SGCD: variants seen among roughly 807,000 people sequenced by gnomAD.
SGCD encodes delta-sarcoglycan.
In SGCD, 18 loss-of-function variants were observed where a neutral mutation model predicts 36.6. The observed-to-expected ratio is 0.49, with a 90% CI of 0.34 to 0.73. SGCD has a LOEUF of 0.73. Ranked by LOEUF, SGCD falls within the 30% of genes least tolerant of loss-of-function variation. The probability of loss-of-function intolerance (pLI) is 0.01; values close to 1 mark genes in which losing one functional copy is unlikely to be tolerated. For synonymous variants in SGCD, 133 were observed against 130.6 expected, an observed-to-expected ratio of 1.02 and a Z score of -0.12; for missense variants, 387 against 346.7, an observed-to-expected ratio of 1.12 and a Z score of -0.92.
chr5:155,964,186 C>G (rs1399940351), intron 1 of SGCD, among the ~76,000 whole-genome samples: 4 of 152,030 alleles, frequency 2.6e-5, no homozygotes, highest in Non-Finnish European at 5.9e-5. Flanking sequence ...TCTTTTATAT[C>G]ATGAAGGTAG....
chr5:156,749,498 T>C (rs1033784806), intron 7 of SGCD, among the ~76,000 whole-genome samples: 7 of 152,052 alleles, frequency 4.6e-5, no homozygotes, highest in South Asian at 2.1e-4. Context: ...AATAAACCTC[T>C]GGCAGTACTG....
chr5:156,017,460 A>G (rs1272879102), intron 1 of SGCD, among the ~76,000 whole-genome samples: 7 of 151,890 alleles, frequency 4.6e-5, no homozygotes, highest in South Asian at 4.1e-4. Flanking sequence ...TCTAGCTTGT[A>G]TAGTTTCATT....
intron 4 of SGCD, among the ~76,000 whole-genome samples, chr5:156,550,159 C>T (rs1166664990): frequency 6.6e-6 from 1 of 152,140 alleles, no homozygotes; most frequent in East Asian, 1.9e-4. Context: ...CACACTGCTA[C>T]CTCTGATAAA....
chr5:156,651,725 T>A lies in SGCD; in HGVS notation c.575+4189T>A, dbSNP rs117621421. 1.4e-4 allele frequency among the ~76,000 whole-genome samples: 22 copies of A among 152,292 alleles called. 1 individual carries two copies. In the East Asian group the frequency reaches 4.2e-3, roughly 29 times the overall value. On this transcript the variant is annotated intron_variant, in intron 7 of 8. Transcript: ENST00000337851. ...CCTTAAAGTACACTTTGAAGCTGAG[T>A]AATGTGATAGCTCTGGAGTTTTTCT...
chr5:156,034,855 A>G (rs75781071), intron 1 of SGCD, among the ~76,000 whole-genome samples: 4,038 of 152,318 alleles, frequency 0.027, 178 homozygotes, highest in African/African-American at 0.092. Flanking sequence ...TGTTGGATAA[A>G]TGTGTCATAG....
At chr5:156,632,014 G>A (rs1377887869) in intron 6 of SGCD, among the ~76,000 whole-genome samples, 3 of 152,112 alleles carry the variant, frequency 2.0e-5, no homozygotes, top group African/African-American at 7.2e-5. Flanking sequence ...TTTAAAAATG[G>A]GAATTTGTAG....
In SGCD at chr5:156,099,520, C is replaced by CT. The variant is rs1354512561; in HGVS notation, c.-281-18357dup. Among the ~76,000 whole-genome samples, 9 of 152,220 alleles carry CT rather than the reference C, an allele frequency of 5.9e-5. No homozygotes were observed. In the East Asian group the frequency reaches 1.7e-3, roughly 29 times the overall value. ...ACCTCTGCCTCCCAGGCTCAGGTGA[C>CT]TCTCCTGCCTCAGCCTCCCAAGTGG... is the stretch of plus-strand genomic sequence containing the variant. On this transcript the variant is annotated intron_variant, in intron 1 of 9. Transcript: ENST00000517913.
At chr5:155,748,584 A>G in the SGCD span, among the ~76,000 whole-genome samples, 4 of 152,036 alleles carry the variant, frequency 2.6e-5, no homozygotes, top group Non-Finnish European at 4.4e-5. Context: ...TTACATTACA[A>G]CCTCACTCCA....
intron 7 of SGCD, among the ~76,000 whole-genome samples, chr5:156,674,385 T>C (rs1324594665): frequency 1.3e-5 from 2 of 152,212 alleles, no homozygotes; most frequent in African/African-American, 2.4e-5. Context: ...CAAGGTGTGA[T>C]ACTGTTACAA....
intron 1 of SGCD, among the ~76,000 whole-genome samples, chr5:155,900,945 G>C (rs1756375216): frequency 6.6e-6 from 1 of 152,078 alleles, no homozygotes; most frequent in East Asian, 1.9e-4. Context: ...CATTAAGGAA[G>C]TATTTAAAGG....
chr5:155,895,209 G>A (rs932782812), intron 1 of SGCD, among the ~76,000 whole-genome samples: 1 of 152,172 alleles, frequency 6.6e-6, no homozygotes, highest in Non-Finnish European at 1.5e-5. Context: ...ACATGAAATC[G>A]TACTTTCCAC....
At chr5:156,509,341 C>G (rs1381736614) in intron 4 of SGCD, among the ~76,000 whole-genome samples, 1 of 152,148 alleles carries the variant, frequency 6.6e-6, no homozygotes, top group Non-Finnish European at 1.5e-5. Context: ...AGGAGAATTG[C>G]TTGAACCCAG....
At chr5:155,869,174 A>G (rs1453723909), upstream of SGCD, among the ~76,000 whole-genome samples, 1 of 152,054 alleles carries the variant, frequency 6.6e-6, no homozygotes, top group Non-Finnish European at 1.5e-5. Flanking sequence ...CATGAATTTC[A>G]TCTCCCTTTC....
intron 4 of SGCD, among the ~76,000 whole-genome samples, chr5:156,524,231 G>A (rs1420682289): frequency 1.5e-5 from 2 of 134,454 alleles, no homozygotes; most frequent in East Asian, 2.1e-4. Context: ...TATAAAGAGA[G>A]AGTAATATAT....
At chr5:156,339,771 C>T (rs780189227) in intron 2 of SGCD, among the ~76,000 whole-genome samples, 1 of 151,960 alleles carries the variant, frequency 6.6e-6, no homozygotes, top group Non-Finnish European at 1.5e-5. Context: ...GGAATACAAA[C>T]AAGTTAACAA....
chr5:156,339,598 A>G (rs1768538163), intron 2 of SGCD, among the ~76,000 whole-genome samples: 1 of 152,226 alleles, frequency 6.6e-6, no homozygotes, highest in Non-Finnish European at 1.5e-5. Flanking sequence ...ACATGACAAT[A>G]AAGTGAATCA....
chr5:156,511,218 G>C (rs988534383), intron 4 of SGCD, among the ~76,000 whole-genome samples: 2 of 152,098 alleles, frequency 1.3e-5, no homozygotes, highest in African/African-American at 4.8e-5. Flanking sequence ...AACAAAAGAA[G>C]TATCTTCTAA....
intron 3 of SGCD, among the ~76,000 whole-genome samples, chr5:156,173,627 T>A (rs1763393334): frequency 6.6e-6 from 1 of 152,210 alleles, no homozygotes; most frequent in African/African-American, 2.4e-5. Context: ...TATTTTTATT[T>A]ATAGAGACAT....
At position 155,902,719 on chromosome 5, in the gene SGCD, C is replaced by A. The variant is rs1324786691; in HGVS notation, c.-282+32295C>A. On this transcript the variant is annotated intron_variant, in intron 1 of 9. Coordinates refer to the SGCD transcript ENST00000517913. ...ATCAAGATTAAATTTGGTAATTTAGCGTAGTGCTTGGTATATAGTACATGT... is the reference window on the plus strand; with the variant it reads ...ATCAAGATTAAATTTGGTAATTTAGAGTAGTGCTTGGTATATAGTACATGT... 4.0e-4 allele frequency among the ~76,000 whole-genome samples: 61 copies of A among 152,116 alleles called. 1 individual carries two copies. The highest frequency in any genetic ancestry group is 4.0e-3 in the Admixed American group (61 of 15,262).
Sources: gnomAD v4.1 joint callset for allele counts (sites outside exome capture counted in the v4.1 genomes callset) on GRCh38, gnomAD v4.1.1 for gene constraint, MANE v1.5 for transcripts, NCBI Gene and HGNC (gene_info 2026-07-23, HGNC 2026-07-21) for gene names.